MAP4K4: variants seen among roughly 807,000 people sequenced by gnomAD.
MAP4K4 encodes the protein HPK/GCK-like kinase HGK.
In MAP4K4, 38 loss-of-function variants were observed where a neutral mutation model predicts 189.6. The observed-to-expected ratio is 0.20, with a 90% CI of 0.15 to 0.26. The LOEUF (loss-of-function observed/expected upper bound fraction) is 0.26. Ranked by LOEUF, MAP4K4 falls within the 10% of genes least tolerant of loss-of-function variation. The pLI is 1.00. For missense variants in MAP4K4, 1,054 were observed against 1,726.9 expected (o/e 0.61, Z 6.91); for synonymous variants, 610 against 624.3 (o/e 0.98, Z 0.34).
intron 3 of MAP4K4, among the ~76,000 whole-genome samples, chr2:101,816,739 A>G (rs1227089338): frequency 1.3e-5 from 2 of 152,190 alleles, no homozygotes; most frequent in Non-Finnish European, 2.9e-5. Flanking sequence ...AGAAATGACC[A>G]TGAGGCTAAG....
chr2:101,770,240 A>ATTTTTTTTTTTTTTTTTTTTTTTTTT (rs34574782), intron 2 of MAP4K4, among the ~76,000 whole-genome samples: 3 of 75,158 alleles, frequency 4.0e-5, no homozygotes, highest in Non-Finnish European at 7.1e-5. Context: ...GTTCATTCTG[A>ATTTTTTTTTTTTTTTTTTTTTTTTTT]TTTTTTTTTT....
intron 2 of MAP4K4, among the ~76,000 whole-genome samples, chr2:101,733,457 G>A (rs1441485714): frequency 6.6e-6 from 1 of 152,162 alleles, no homozygotes; most frequent in Admixed American, 6.5e-5. Context: ...TAGAACTTGG[G>A]TGTCTTTGAC....
At chr2:101,786,851 T>A (rs1019804268) in intron 2 of MAP4K4, among the ~76,000 whole-genome samples, 1 of 152,192 alleles carries the variant, frequency 6.6e-6, no homozygotes, top group African/African-American at 2.4e-5. Context: ...TGAATAGTAT[T>A]TGGGGGCTTT....
chr2:101,841,167 T>G (rs897617675), intron 10 of MAP4K4, among the ~76,000 whole-genome samples: 2 of 152,192 alleles, frequency 1.3e-5, no homozygotes, highest in African/African-American at 4.8e-5. Context: ...GCACCTTCCC[T>G]TCCTTTCTCT....
At chr2:101,739,393 T>C (rs6705340) in intron 2 of MAP4K4, among the ~76,000 whole-genome samples, 15,087 of 137,856 alleles carry the variant, frequency 0.11, 2,127 homozygotes, top group African/African-American at 0.33. Flanking sequence ...GTCTTTTTTT[T>C]CCCTAAAATA....
chr2:101,848,798 C>G (rs1459963733), intron 12 of MAP4K4, among the ~76,000 whole-genome samples: 6 of 152,190 alleles, frequency 3.9e-5, no homozygotes, highest in Admixed American at 2.6e-4. Flanking sequence ...TCTGCCTCCT[C>G]CTTGTCTCTT....
intron 2 of MAP4K4, among the ~76,000 whole-genome samples, chr2:101,738,348 A>G (rs1282387247): frequency 2.0e-5 from 3 of 152,178 alleles, no homozygotes; most frequent in African/African-American, 7.2e-5. Flanking sequence ...CTGAGGGGTA[A>G]AACAGTTTTA....
chr2:101,844,459 G>T (rs181993813), intron 12 of MAP4K4, 148 bp downstream of exon 12: 573 of 691,610 alleles, frequency 8.3e-4, no homozygotes, highest in Non-Finnish European at 1.2e-3. Context: ...GTGAAAGAAA[G>T]CTTACGCTTT....
intron 2 of MAP4K4, among the ~76,000 whole-genome samples, chr2:101,714,632 C>G (rs908683266): frequency 1.3e-5 from 2 of 152,156 alleles, no homozygotes; most frequent in Non-Finnish European, 2.9e-5. Context: ...TACCAGCCAA[C>G]TCTAAATCAA....
intron 6 of MAP4K4, among the ~76,000 whole-genome samples, chr2:101,830,356 G>A (rs2096559244): frequency 6.6e-6 from 1 of 152,084 alleles, no homozygotes; most frequent in African/African-American, 2.4e-5. Flanking sequence ...GTGTTTTCCT[G>A]GAGTTACTCA....
intron 24 of MAP4K4, among the ~76,000 whole-genome samples, chr2:101,872,461 A>G (rs570105493): frequency 4.6e-5 from 7 of 152,216 alleles, no homozygotes; most frequent in African/African-American, 1.7e-4. Flanking sequence ...ACAGGGTTAT[A>G]CTCCAGGTGT....
At chr2:101,738,544 G>A (rs563801844) in intron 2 of MAP4K4, among the ~76,000 whole-genome samples, 1 of 152,206 alleles carries the variant, frequency 6.6e-6, no homozygotes, top group South Asian at 2.1e-4. Context: ...GAAAGAAATC[G>A]ACTTGTAGAG....
Position 101,887,680 on chromosome 2 carries a change from A to G in MAP4K4, c.3772-98A>G, listed in dbSNP as rs1577476738. On this transcript the variant is annotated intron_variant, in intron 30 of 32. Transcript: ENST00000324219. ...AATTGCTGTATTTATCTTCAGAGAT[A>G]TGGTACCAGTGCATTCACTAAGAGT... The G allele has an allele frequency of 3.7e-6, 3 of 806,504 alleles. No individual in the cohort carries two copies. The East Asian group carries it at 7.7e-5, about 21-fold the overall frequency. The allele number at this position is 806,504 out of a possible 1,614,324, so 50.0% of individuals were successfully genotyped here.
intron 2 of MAP4K4, among the ~76,000 whole-genome samples, chr2:101,755,178 C>G (rs1349116702): frequency 1.4e-5 from 2 of 145,014 alleles, no homozygotes; most frequent in Admixed American, 1.4e-4. Context: ...TTTGATGCCC[C>G]CTCCTCGCTT....
chr2:101,700,809 T>TTAA (rs2038099784), intron 2 of MAP4K4, among the ~76,000 whole-genome samples: 1 of 152,040 alleles, frequency 6.6e-6, no homozygotes, highest in African/African-American at 2.4e-5. Context: ...TATAACAAGT[T>TTAA]CTTTAATGTT....
At chr2:101,733,892 A>C (rs2059431596) in intron 2 of MAP4K4, among the ~76,000 whole-genome samples, 1 of 152,182 alleles carries the variant, frequency 6.6e-6, no homozygotes, top group African/African-American at 2.4e-5. Flanking sequence ...GACCTTGAAA[A>C]AGTCAGCCTG....
At chr2:101,774,188 G>C (rs2082814727) in intron 2 of MAP4K4, among the ~76,000 whole-genome samples, 1 of 152,120 alleles carries the variant, frequency 6.6e-6, no homozygotes, top group Non-Finnish European at 1.5e-5. Flanking sequence ...AACAGTGTAT[G>C]GTTCCCTTTT....
intron 2 of MAP4K4, among the ~76,000 whole-genome samples, chr2:101,761,489 G>A (rs1462353188): frequency 6.6e-6 from 1 of 151,576 alleles, no homozygotes; most frequent in Non-Finnish European, 1.5e-5. Context: ...GAGAGTCCTT[G>A]CCTTCAGGAT....
intron 2 of MAP4K4, among the ~76,000 whole-genome samples, chr2:101,716,666 C>G (rs2048583535): frequency 6.6e-6 from 1 of 152,102 alleles, no homozygotes; most frequent in Non-Finnish European, 1.5e-5. Context: ...CATCTTTGTT[C>G]ATACTTTTGT....
Sources: allele counts gnomAD v4.1 joint callset (sites outside exome capture counted in the v4.1 genomes callset), GRCh38; gene constraint gnomAD v4.1.1; transcripts MANE v1.5; gene names NCBI Gene and HGNC (gene_info 2026-07-23, HGNC 2026-07-21).